Variants in SORT1 observed in about 807,000 individuals in gnomAD.
SORT1 encodes sortilin.
SORT1 carries 39 observed loss-of-function variants against 101.7 expected under a neutral mutation model. That is an observed-to-expected ratio of 0.38 (90% CI 0.30 to 0.50). The LOEUF (loss-of-function observed/expected upper bound fraction) is 0.50. Ranked by LOEUF, SORT1 falls within the 20% of genes least tolerant of loss-of-function variation. SORT1 has a pLI of 0.90. For missense variants in SORT1, 878 were observed against 1,040.4 expected, an observed-to-expected ratio of 0.84 and a Z score of 2.15; for synonymous variants, 396 against 393.7, an observed-to-expected ratio of 1.01 and a Z score of -0.07.
chr1:109,393,882 AATATAC>A (rs1304545926), intron 1 of SORT1, among the ~76,000 whole-genome samples: 1 of 151,608 alleles, frequency 6.6e-6, no homozygotes, highest in Non-Finnish European at 1.5e-5. Flanking sequence ...TTTATACAAT[AATATAC>A]ATATACGTAT....
In SORT1 at chr1:109,355,403, T is replaced by C. The variant is rs780157316; in HGVS notation, c.507A>G (p.Glu169=). ...TCTCAGGACCAATAGCCATGCCAAATTCAGTCCGAATAAAGGTGTTATTGA... is the reference window on the plus strand; with the variant it reads ...TCTCAGGACCAATAGCCATGCCAAACTCAGTCCGAATAAAGGTGTTATTGA... The part of the protein sequence containing the change: ...DLINNTFIRT[E]FGMAIGPENS... The change falls in exon 4 of 20, where the codon GAA becomes GAG. Residue 169 remains glutamate, a synonymous_variant. Coordinates refer to ENST00000256637, the MANE Select transcript of SORT1 (RefSeq NM_002959.7). The C allele has an allele frequency of 6.2e-7, 1 of 1,604,172 alleles. No individual in the cohort carries two copies. Among genetic ancestry groups the C allele is most frequent in the Non-Finnish European group, 8.5e-7 (1 of 1,171,000 alleles).
chr1:109,375,853 G>C (rs540622862), intron 1 of SORT1, among the ~76,000 whole-genome samples: 48 of 152,144 alleles, frequency 3.2e-4, no homozygotes, highest in African/African-American at 1.1e-3. Context: ...TAATTCTATA[G>C]CAAGTGAAAC....
intron 1 of SORT1, among the ~76,000 whole-genome samples, chr1:109,388,130 C>T (rs1010307263): frequency 6.7e-6 from 1 of 150,034 alleles, no homozygotes; most frequent in African/African-American, 2.5e-5. Flanking sequence ...TTCACAGATG[C>T]GATCACAGTG....
At chr1:109,325,777 C>T (rs1487057353) in intron 13 of SORT1, among the ~76,000 whole-genome samples, 1 of 151,812 alleles carries the variant, frequency 6.6e-6, no homozygotes, top group African/African-American at 2.4e-5. Context: ...GAGTTCGAGA[C>T]CAGCCTGACC....
rs71069681 is a variant in SORT1, at chr1:109,395,208, CTTTTTTTTTTTTTT to C, written c.306+2365_306+2378del. 1.9e-4 allele frequency among the ~76,000 whole-genome samples: 8 copies of C among 42,606 alleles called. No homozygotes were observed. The South Asian group carries it at 4.8e-3, about 26-fold the overall frequency. 28.0% of individuals were successfully genotyped at this position (42,606 alleles called of 152,430 possible). ...CACGGATGACTAACAAACGCAAAAA[CTTTTTTTTTTTTTT>C]TTTTTTTTTTTTTTTTGAGATAGAG... On this transcript the variant is annotated intron_variant, in intron 1 of 19. Coordinates refer to ENST00000256637, the MANE Select transcript of SORT1 (RefSeq NM_002959.7).
Position 109,351,800 on chromosome 1 carries a change from G to C in SORT1, c.709-798C>G, listed in dbSNP as rs949885118. ...TGAATGGGAAAGATGGATTTCAGAG[G>C]GTCCAGACTAGAGGCAAGGAAAAGC... On this transcript the variant is annotated intron_variant, in intron 5 of 19. Coordinates refer to ENST00000256637, the MANE Select transcript of SORT1 (RefSeq NM_002959.7). Among the ~76,000 whole-genome samples, 4 of 152,254 alleles carry C rather than the reference G, an allele frequency of 2.6e-5. No individual in the cohort carries two copies. The South Asian group carries it at 8.3e-4, about 32-fold the overall frequency.
At chr1:109,315,803 G>A (rs990304614) in intron 17 of SORT1, among the ~76,000 whole-genome samples, 8 of 146,718 alleles carry the variant, frequency 5.5e-5, no homozygotes, top group African/African-American at 2.0e-4. Flanking sequence ...TGTCACCCAG[G>A]CTGGAGTGCA....
intron 16 of SORT1, 43 bp downstream of exon 16, chr1:109,317,810 G>A (rs371846577): frequency 8.0e-7 from 1 of 1,254,892 alleles, no homozygotes; most frequent in Non-Finnish European, 1.2e-6. Flanking sequence ...CTCTGAACAA[G>A]AACACCTCAT....
chr1:109,343,287 A>G (rs780684678), intron 8 of SORT1, among the ~76,000 whole-genome samples: 3 of 152,148 alleles, frequency 2.0e-5, no homozygotes, highest in African/African-American at 4.8e-5. Flanking sequence ...AGTCACTCCA[A>G]TCGGCCTTTT....
At chr1:109,322,861 CT>C (rs954282810) in intron 15 of SORT1, 70 bp downstream of exon 15, 2 of 1,270,472 alleles carry the variant, frequency 1.6e-6, no homozygotes, top group Non-Finnish European at 2.2e-6. Flanking sequence ...TTTGTTAGCC[CT>C]ATAAGAAAAC....
chr1:109,393,229 T>C (rs778969955), intron 1 of SORT1: 1 of 985,438 alleles, frequency 1.0e-6, no homozygotes, highest in Non-Finnish European at 1.2e-6. Context: ...GGCCTGTTTA[T>C]TTAAGGAACC....
chr1:109,348,189 T>C (rs779096725), intron 6 of SORT1, among the ~76,000 whole-genome samples: 2 of 152,114 alleles, frequency 1.3e-5, no homozygotes, highest in South Asian at 2.1e-4. Flanking sequence ...AGGTCGGAGG[T>C]TGAATTATTT....
intron 3 of SORT1, among the ~76,000 whole-genome samples, chr1:109,365,208 GA>G (rs1650998356): frequency 1.3e-5 from 2 of 152,144 alleles, no homozygotes; most frequent in African/African-American, 2.4e-5. Flanking sequence ...AGGTTGGTAA[GA>G]AAAACTATCA....
At chr1:109,347,649 G>A in intron 6 of SORT1, 117 bp from the exon 7 acceptor site, 1 of 689,166 alleles carries the variant, frequency 1.5e-6, no homozygotes, top group South Asian at 1.7e-5. Context: ...GCACTGACAA[G>A]CACCACTTCT....
At chr1:109,318,155 CTTTT>C (rs368333953) in intron 15 of SORT1, among the ~76,000 whole-genome samples, 186 bp from the exon 16 acceptor site, 2 of 136,630 alleles carry the variant, frequency 1.5e-5, no homozygotes, top group Non-Finnish European at 3.2e-5. Context: ...CGGAGAGGGC[CTTTT>C]TTTTTTTTTT....
In SORT1 at chr1:109,314,015, C is replaced by G; in HGVS notation, c.*28G>C. 6.2e-7 allele frequency: 1 copy of G among 1,612,214 alleles called. No homozygotes were observed. Among genetic ancestry groups the G allele is most frequent in the African/African-American group, 1.3e-5 (1 of 74,980 alleles). ...GTAAGAGGTACTGTGGTTCCACCATCCATGCTGGGTCCAGCTCCTCTGAAG... is the reference window on the plus strand; with the variant it reads ...GTAAGAGGTACTGTGGTTCCACCATGCATGCTGGGTCCAGCTCCTCTGAAG... On this transcript the variant is annotated 3_prime_UTR_variant, in exon 20 of 20. Coordinates refer to ENST00000256637, the MANE Select transcript of SORT1 (RefSeq NM_002959.7).
chr1:109,365,915 T>C (rs1651055300), intron 3 of SORT1, among the ~76,000 whole-genome samples: 1 of 152,198 alleles, frequency 6.6e-6, no homozygotes, highest in Non-Finnish European at 1.5e-5. Context: ...GGCTAATCCA[T>C]TTCAGAGCTT....
chr1:109,349,444 G>A (rs1209377547), intron 6 of SORT1, among the ~76,000 whole-genome samples: 1 of 152,088 alleles, frequency 6.6e-6, no homozygotes, highest in Non-Finnish European at 1.5e-5. Flanking sequence ...ATGTGTAACA[G>A]AGTGGTGCTA....
Position 109,397,637 on chromosome 1 carries a change from ACTC to A in SORT1, c.253_255del (p.Glu85del), listed in dbSNP as rs1407231593. 1 of 1,270,458 alleles carries A rather than the reference ACTC, an allele frequency of 7.9e-7. No homozygotes were observed. The highest frequency in any genetic ancestry group is 1.0e-6 in the Non-Finnish European group (1 of 996,442). 78.7% of individuals were successfully genotyped at this position (1,270,458 alleles called of 1,614,324 possible). ...GCGACGAAGTCCCGGACCCGGCCGC[ACTC>A]CTCGTCCTCGCCCGGCGCGCTGCGA... On this transcript the variant is annotated inframe_deletion, in exon 1 of 20. Transcript: ENST00000256637.
Sources: allele counts gnomAD v4.1 joint callset (sites outside exome capture counted in the v4.1 genomes callset), GRCh38; gene constraint gnomAD v4.1.1; transcripts MANE v1.5; gene names NCBI Gene and HGNC (gene_info 2026-07-23, HGNC 2026-07-21).